SYCP1: variants seen among roughly 807,000 people sequenced by gnomAD.
SYCP1 encodes synaptonemal complex protein 1.
Under a neutral mutation model 153.1 loss-of-function variants are expected in SYCP1, and 64 were observed. That is an observed-to-expected ratio of 0.42 (90% CI 0.34 to 0.51). The LOEUF (loss-of-function observed/expected upper bound fraction) is 0.51. Among genes scored for constraint, SYCP1 ranks in the 20% least tolerant of loss-of-function variants. SYCP1 has a pLI of 0.06. For synonymous variants in SYCP1, 384 were observed against 341.8 expected (o/e 1.12, Z -1.36); for missense variants, 997 against 1,049.0 (o/e 0.95, Z 0.68).
At chr1:114,897,588 G>T (rs1667154633) in intron 16 of SYCP1, among the ~76,000 whole-genome samples, 1 of 152,194 alleles carries the variant, frequency 6.6e-6, no homozygotes, top group South Asian at 2.1e-4. Context: ...CAGTTTGGAG[G>T]ATGCATCTGA....
chr1:114,979,267 A>G (rs186481693), intron 28 of SYCP1, among the ~76,000 whole-genome samples: 1 of 151,804 alleles, frequency 6.6e-6, no homozygotes, highest in South Asian at 2.1e-4. Flanking sequence ...ATAAAGGGAT[A>G]ATAATAATAC....
At chr1:114,938,744 T>C (rs569246509) in intron 23 of SYCP1, among the ~76,000 whole-genome samples, 1 of 152,112 alleles carries the variant, frequency 6.6e-6, no homozygotes, top group Non-Finnish European at 1.5e-5. Context: ...AAAAATAAAG[T>C]ATGGGCAAAG....
intron 28 of SYCP1, among the ~76,000 whole-genome samples, chr1:114,979,707 C>A (rs897803083): frequency 4.6e-5 from 7 of 151,566 alleles, no homozygotes; most frequent in African/African-American, 1.7e-4. Flanking sequence ...TTCATACTTG[C>A]TAGAAAAAGG....
At chr1:114,861,179 A>G (rs1049262784) in intron 8 of SYCP1, among the ~76,000 whole-genome samples, 5 of 152,242 alleles carry the variant, frequency 3.3e-5, no homozygotes, top group African/African-American at 9.6e-5. Context: ...AAGCCATTGT[A>G]TTTATGAATA....
intron 20 of SYCP1, among the ~76,000 whole-genome samples, chr1:114,919,616 A>G (rs1668730338): frequency 6.6e-6 from 1 of 152,084 alleles, no homozygotes; most frequent in South Asian, 2.1e-4. Context: ...TCAGCAGTGA[A>G]GCCATCAGGT....
chr1:114,873,802 G>T (rs1394070745), intron 8 of SYCP1, among the ~76,000 whole-genome samples: 2 of 152,110 alleles, frequency 1.3e-5, no homozygotes, highest in Admixed American at 1.3e-4. Flanking sequence ...CTGTCGCCCA[G>T]CTCACTGCGA....
At chr1:114,902,118 A>G (rs557880006) in intron 16 of SYCP1, among the ~76,000 whole-genome samples, 3 of 151,722 alleles carry the variant, frequency 2.0e-5, no homozygotes, top group Non-Finnish European at 4.4e-5. Context: ...GCGGCGGGGA[A>G]CTGCTGCTCG....
chr1:114,969,331 C>A (rs1304105726), intron 27 of SYCP1, among the ~76,000 whole-genome samples: 1 of 152,068 alleles, frequency 6.6e-6, no homozygotes, highest in Non-Finnish European at 1.5e-5. Flanking sequence ...CTCAGAGATG[C>A]CCTGCCCAGA....
At chr1:114,980,095 A>C (rs1490266662) in intron 28 of SYCP1, among the ~76,000 whole-genome samples, 2 of 151,852 alleles carry the variant, frequency 1.3e-5, no homozygotes, top group Non-Finnish European at 2.9e-5. Context: ...AATGAAAGGC[A>C]GTAGGAGAAC....
intron 23 of SYCP1, among the ~76,000 whole-genome samples, chr1:114,940,742 T>A (rs1467631310): frequency 6.6e-6 from 1 of 152,206 alleles, no homozygotes; most frequent in African/African-American, 2.4e-5. Context: ...TAATGTATAT[T>A]GTATAGTTGT....
chr1:114,871,343 T>C (rs892151465), intron 8 of SYCP1, among the ~76,000 whole-genome samples: 10 of 152,018 alleles, frequency 6.6e-5, no homozygotes, highest in African/African-American at 2.4e-4. Flanking sequence ...AATTTTTGTA[T>C]TTTCAGTAGT....
At chr1:114,892,531 C>G (rs557625062) in intron 15 of SYCP1, among the ~76,000 whole-genome samples, 108 of 152,060 alleles carry the variant, frequency 7.1e-4, no homozygotes, top group Non-Finnish European at 1.3e-3. Flanking sequence ...CTGGCAGTGG[C>G]AGAGGTTGTG....
In SYCP1 at chr1:114,861,502, T is replaced by C. The variant is rs937317828; in HGVS notation, c.598+693T>C. Reference sequence around the variant, plus strand: ...CGGGATATTCTCTATTTTTCTTAGCTAAAAATTTTAATTTGTATCATACAG... The same window carrying C: ...CGGGATATTCTCTATTTTTCTTAGCCAAAAATTTTAATTTGTATCATACAG... On this transcript the variant is annotated intron_variant, in intron 8 of 31. Coordinates refer to ENST00000369522, the MANE Select transcript of SYCP1 (RefSeq NM_003176.4). 5.3e-5 allele frequency among the ~76,000 whole-genome samples: 8 copies of C among 152,282 alleles called. No individual in the cohort carries two copies. The South Asian group carries it at 1.7e-3, about 32-fold the overall frequency.
At chr1:114,867,274 G>A (rs1045826288) in intron 8 of SYCP1, among the ~76,000 whole-genome samples, 1 of 152,054 alleles carries the variant, frequency 6.6e-6, no homozygotes, top group Non-Finnish European at 1.5e-5. Flanking sequence ...GAATCAGTTT[G>A]TAGATATCCA....
chr1:114,860,763 T>C lies in SYCP1; in HGVS notation c.552T>C (p.Asn184=), dbSNP rs1664314893. The C allele has an allele frequency of 6.3e-7, 1 of 1,597,484 alleles. No homozygotes were observed. The highest frequency in any genetic ancestry group is 2.3e-5 in the East Asian group (1 of 44,166). ...KENNATRHLC[N]LLKETCARSA... ...ATAATGCCACAAGGCATTTATGTAA[T>C]CTACTCAAAGAAACCTGTGCTAGAT... is the stretch of plus-strand genomic sequence containing the variant. The change falls in exon 8 of 32, where the codon AAT becomes AAC. Residue 184 remains asparagine (N), a synonymous_variant. Transcript: ENST00000369522.
intron 15 of SYCP1, among the ~76,000 whole-genome samples, chr1:114,894,324 A>T (rs1001907811): frequency 3.3e-5 from 5 of 152,194 alleles, no homozygotes; most frequent in African/African-American, 9.6e-5. Flanking sequence ...AGAAATTTTC[A>T]GTAAGTCTAT....
At chr1:114,915,517 A>C (rs942781902) in intron 20 of SYCP1, among the ~76,000 whole-genome samples, 1 of 152,190 alleles carries the variant, frequency 6.6e-6, no homozygotes, top group Non-Finnish European at 1.5e-5. Flanking sequence ...ACAAATTCAC[A>C]TTATCAGTTA....
At chr1:114,863,839 G>C (rs559892625) in intron 8 of SYCP1, among the ~76,000 whole-genome samples, 27 of 152,008 alleles carry the variant, frequency 1.8e-4, no homozygotes, top group Non-Finnish European at 2.9e-5. Context: ...GGATGAAGCT[G>C]GAAACCATCA....
At chr1:114,959,844 G>C (rs946645429) in intron 27 of SYCP1, among the ~76,000 whole-genome samples, 8 of 151,960 alleles carry the variant, frequency 5.3e-5, no homozygotes, top group Non-Finnish European at 8.8e-5. Context: ...TGGAAAGTTT[G>C]TCTTTCTGTG....
Sources: allele counts gnomAD v4.1 joint callset (sites outside exome capture counted in the v4.1 genomes callset), GRCh38; gene constraint gnomAD v4.1.1; transcripts MANE v1.5; gene names NCBI Gene and HGNC (gene_info 2026-07-23, HGNC 2026-07-21).